The following BMPR1A variants were observed in gnomAD, a reference collection of about 807,000 sequenced individuals.
The protein encoded by BMPR1A is bone morphogenetic protein receptor type 1A.
BMPR1A carries 7 observed loss-of-function variants against 66.0 expected under a neutral mutation model. That is an observed-to-expected ratio of 0.11 (90% CI 0.06 to 0.20). BMPR1A has a LOEUF of 0.20. Ranked by LOEUF, BMPR1A falls within the 10% of genes least tolerant of loss-of-function variation. BMPR1A has a pLI of 1.00. For synonymous variants in BMPR1A, 200 were observed against 229.7 expected (o/e 0.87, Z 1.17); for missense variants, 408 against 669.1 (o/e 0.61, Z 4.31).
At chr10:86,822,402 C>G (rs1251864667) in intron 1 of BMPR1A, among the ~76,000 whole-genome samples, 1 of 152,154 alleles carries the variant, frequency 6.6e-6, no homozygotes, top group Non-Finnish European at 1.5e-5. Flanking sequence ...AAAGGGCACA[C>G]ACTTCAATGG....
intron 2 of BMPR1A, among the ~76,000 whole-genome samples, chr10:86,848,057 A>C (rs1229960579): frequency 2.6e-5 from 4 of 151,556 alleles, no homozygotes; most frequent in Admixed American, 2.0e-4. Context: ...TCAGCCTCCC[A>C]AGTAGCTGGG....
chr10:86,869,291 A>G (rs1180917136), intron 2 of BMPR1A, among the ~76,000 whole-genome samples: 1 of 151,052 alleles, frequency 6.6e-6, no homozygotes, highest in Non-Finnish European at 1.5e-5. Flanking sequence ...AACCCTGTCT[A>G]TACTGAAAAT....
intron 2 of BMPR1A, among the ~76,000 whole-genome samples, chr10:86,848,500 T>G (rs1221050449): frequency 6.6e-6 from 1 of 152,166 alleles, no homozygotes; most frequent in Non-Finnish European, 1.5e-5. Flanking sequence ...TTGAACTTTC[T>G]AGATAATTTC....
At chr10:86,801,021 T>C (rs902730919) in intron 1 of BMPR1A, among the ~76,000 whole-genome samples, 1 of 152,268 alleles carries the variant, frequency 6.6e-6, no homozygotes, top group African/African-American at 2.4e-5. Context: ...ATTGTAAATA[T>C]GAGCTTATCT....
intron 10 of BMPR1A, among the ~76,000 whole-genome samples, chr10:86,920,274 G>A (rs780964349): frequency 3.9e-5 from 6 of 152,208 alleles, no homozygotes; most frequent in Non-Finnish European, 8.8e-5. Flanking sequence ...ACTATGGTAT[G>A]TTGCATATTA....
chr10:86,875,199 C>G (rs1320022874), intron 2 of BMPR1A, among the ~76,000 whole-genome samples: 1 of 151,484 alleles, frequency 6.6e-6, no homozygotes, highest in African/African-American at 2.4e-5. Context: ...ATGGTGAAAC[C>G]CCATCTCTAC....
chr10:86,810,831 A>G (rs1225304151), intron 1 of BMPR1A, among the ~76,000 whole-genome samples: 1 of 152,180 alleles, frequency 6.6e-6, no homozygotes, highest in South Asian at 2.1e-4. Context: ...GATTTACAAA[A>G]ATTTTCTACC....
At chr10:86,829,047 C>T (rs1351324489) in intron 1 of BMPR1A, among the ~76,000 whole-genome samples, 7 of 152,156 alleles carry the variant, frequency 4.6e-5, no homozygotes, top group East Asian at 1.9e-4. Flanking sequence ...CACACCTTCA[C>T]GGAGCCAGAA....
chr10:86,794,630 G>A (rs1371252039), intron 1 of BMPR1A, among the ~76,000 whole-genome samples: 1 of 152,008 alleles, frequency 6.6e-6, no homozygotes, highest in Non-Finnish European at 1.5e-5. Context: ...TCAAAGGTGA[G>A]AACGTTCAGT....
At chr10:86,913,230 A>G (rs759057777) in intron 8 of BMPR1A, among the ~76,000 whole-genome samples, 10 of 151,284 alleles carry the variant, frequency 6.6e-5, no homozygotes, top group Non-Finnish European at 7.4e-5. Context: ...AGTTCAAGCA[A>G]TTCCCGTCTC....
In BMPR1A at chr10:86,799,469, T is replaced by TTCCTTCCTTCCTTC. The variant is rs1841775518; in HGVS notation, c.-267-39396_-267-39395insTCCTTCCTTCCTTC. Among the ~76,000 whole-genome samples the TTCCTTCCTTCCTTC allele has an allele frequency of 2.3e-3, 279 of 120,966 alleles. 4 individuals carry two copies. Among genetic ancestry groups the TTCCTTCCTTCCTTC allele is most frequent in the African/African-American group, 6.8e-3 (234 of 34,322 alleles). 79.4% of individuals were successfully genotyped at this position (120,966 alleles called of 152,430 possible). On this transcript the variant is annotated intron_variant, in intron 1 of 12. Transcript: ENST00000372037. ...TGTACATTTTCTTTCTTCCTTCCTTTCTTCCTTCCTTCCTTCCTTCCTTCC... is the reference window on the plus strand; with the variant it reads ...TGTACATTTTCTTTCTTCCTTCCTTTTCCTTCCTTCCTTCCTTCCTTCCTTCCTTCCTTCCTTCC...
chr10:86,766,688 T>C (rs944740679), intron 1 of BMPR1A, among the ~76,000 whole-genome samples: 1 of 149,894 alleles, frequency 6.7e-6, no homozygotes, highest in Non-Finnish European at 1.5e-5. Context: ...CTATCTCTGC[T>C]CACAGCAAGC....
chr10:86,854,096 A>G (rs1335459372), intron 2 of BMPR1A, among the ~76,000 whole-genome samples: 1 of 152,222 alleles, frequency 6.6e-6, no homozygotes, highest in African/African-American at 2.4e-5. Context: ...TCAGGGGCAC[A>G]TTCTCTTTCC....
At chr10:86,789,747 T>C (rs1219898262) in intron 1 of BMPR1A, among the ~76,000 whole-genome samples, 1 of 150,480 alleles carries the variant, frequency 6.6e-6, no homozygotes, top group Non-Finnish European at 1.5e-5. Context: ...GTAACTAACT[T>C]AGAAAACCAA....
chr10:86,792,486 A>T (rs1032721871), intron 1 of BMPR1A, among the ~76,000 whole-genome samples: 15 of 152,224 alleles, frequency 9.9e-5, no homozygotes, highest in African/African-American at 3.6e-4. Flanking sequence ...CAGGAAATTT[A>T]AAATGTTTTT....
intron 1 of BMPR1A, among the ~76,000 whole-genome samples, chr10:86,838,613 A>G (rs947377236): frequency 6.6e-6 from 1 of 151,354 alleles, no homozygotes; most frequent in Non-Finnish European, 1.5e-5. Context: ...TTTTCCATCA[A>G]AGCTTAAGAT....
chr10:86,898,463 A>C (rs1057470150), intron 5 of BMPR1A, among the ~76,000 whole-genome samples: 2 of 152,178 alleles, frequency 1.3e-5, no homozygotes, highest in Non-Finnish European at 2.9e-5. Context: ...TAAGGAATAC[A>C]AACGCATCGT....
In BMPR1A at chr10:86,784,542, C is replaced by G. The variant is rs375438549; in HGVS notation, c.-268+27623C>G. The stretch of plus-strand genomic sequence containing the variant: ...TGTGCATCAAAGTTTAGAAGTGTTT[C>G]TTCAGTTTTTTTGGTGAGACTTTGA... On this transcript the variant is annotated intron_variant, in intron 1 of 12. Coordinates refer to ENST00000372037, the MANE Select transcript of BMPR1A (RefSeq NM_004329.3). Among the ~76,000 whole-genome samples, 5 of 152,162 alleles carry G rather than the reference C, an allele frequency of 3.3e-5. No homozygotes were observed. The East Asian group carries it at 7.7e-4, about 23-fold the overall frequency.
chr10:86,772,557 G>C (rs1377116104), intron 1 of BMPR1A, among the ~76,000 whole-genome samples: 1 of 152,102 alleles, frequency 6.6e-6, no homozygotes, highest in Non-Finnish European at 1.5e-5. Context: ...AACCTACCCT[G>C]TGAGAGAACA....
Sources: gnomAD v4.1 joint callset for allele counts (sites outside exome capture counted in the v4.1 genomes callset) on GRCh38, gnomAD v4.1.1 for gene constraint, MANE v1.5 for transcripts, NCBI Gene and HGNC (gene_info 2026-07-23, HGNC 2026-07-21) for gene names.